Variants in EP300 observed in about 807,000 individuals in gnomAD.
The protein encoded by EP300 is histone acetyltransferase p300.
In EP300, 31 loss-of-function variants were observed where a neutral mutation model predicts 264.0. That is an observed-to-expected ratio of 0.12 (90% CI 0.09 to 0.16). The LOEUF (loss-of-function observed/expected upper bound fraction) is 0.16, where lower values mean the gene tolerates loss of function less well. Among genes scored for constraint, EP300 ranks in the 10% least tolerant of loss-of-function variants. The pLI, the probability that EP300 is intolerant of heterozygous loss-of-function variation, is 1.00. For missense variants in EP300, 2,766 were observed against 3,052.9 expected, an observed-to-expected ratio of 0.91 and a Z score of 2.21; for synonymous variants, 1,340 against 1,045.4, an observed-to-expected ratio of 1.28 and a Z score of -5.44.
chr22:41,163,592 T>C (rs535369054), intron 21 of EP300, among the ~76,000 whole-genome samples: 1 of 148,296 alleles, frequency 6.7e-6, no homozygotes, highest in Non-Finnish European at 1.5e-5. Flanking sequence ...ACTACAAATA[T>C]ATAAATTAGC....
intron 23 of EP300, among the ~76,000 whole-genome samples, chr22:41,167,449 C>G (rs1348727755): frequency 6.6e-6 from 1 of 151,418 alleles, no homozygotes; most frequent in Non-Finnish European, 1.5e-5. Context: ...TTTTACTGAT[C>G]TACAGATTAT....
At chr22:41,147,648 G>T (rs1201554810) in intron 11 of EP300, among the ~76,000 whole-genome samples, 189 bp from the exon 12 acceptor site, 1 of 152,010 alleles carries the variant, frequency 6.6e-6, no homozygotes, top group Admixed American at 6.6e-5. Context: ...TGAGGCAGGA[G>T]AATGGTGTGA....
intron 19 of EP300, 193 bp from the exon 20 acceptor site, chr22:41,160,446 AAAC>A (rs968777797): frequency 2.4e-5 from 13 of 549,668 alleles, no homozygotes; most frequent in African/African-American, 1.6e-4. Flanking sequence ...AAAAACAAAA[AAAC>A]AAACAAAAAA....
At chr22:41,163,639 CG>C (rs1569113695) in intron 21 of EP300, among the ~76,000 whole-genome samples, 1 of 143,886 alleles carries the variant, frequency 6.9e-6, no homozygotes, top group African/African-American at 2.6e-5. Flanking sequence ...CCCAGCTACT[CG>C]GGAGGCTGAG....
chr22:41,122,732 G>A (rs2058859794), intron 2 of EP300, among the ~76,000 whole-genome samples: 1 of 151,516 alleles, frequency 6.6e-6, no homozygotes, highest in Admixed American at 6.6e-5. Flanking sequence ...TCATAGATTT[G>A]CAGAGTATAG....
chr22:41,122,222 A>G (rs1025910181), intron 2 of EP300, among the ~76,000 whole-genome samples: 24 of 134,896 alleles, frequency 1.8e-4, no homozygotes, highest in African/African-American at 6.3e-4. Flanking sequence ...CAGGAGTGCA[A>G]TGGCCCAATC....
In EP300 at chr22:41,137,654, C is replaced by A. The variant is rs2145722617; in HGVS notation, c.1624C>A (p.Pro542Thr). Reference sequence around the variant, plus strand: ...CTATTTGGTGACCCCTTTTTGAAGCCCAATGATGAGTGAAAATGCCAGTGT... The same window carrying A: ...CTATTTGGTGACCCCTTTTTGAAGCACAATGATGAGTGAAAATGCCAGTGT... Reference protein sequence around the residue: ...MLHSAINSQNPMMSENASVPS... With the variant: ...MLHSAINSQNTMMSENASVPS... The change falls in exon 8 of 31, where the codon CCA (proline) becomes ACA (threonine). Residue 542 changes from proline to threonine, a missense_variant and splice_region_variant. Physicochemically the swap from Pro to Thr is conservative, Grantham distance 38. Transcript: ENST00000263253. The A allele has an allele frequency of 6.2e-7, 1 of 1,613,694 alleles. No homozygotes were observed. The highest frequency in any genetic ancestry group is 8.5e-7 in the Non-Finnish European group (1 of 1,179,862).
chr22:41,164,180 A>T, intron 22 of EP300, 50 bp downstream of exon 22: 2 of 1,527,060 alleles, frequency 1.3e-6, no homozygotes, highest in Non-Finnish European at 1.8e-6. Context: ...TATCGTGAAT[A>T]TTAACAAGTT....
At chr22:41,138,112 T>C (rs182212681) in intron 8 of EP300, among the ~76,000 whole-genome samples, 1 of 152,312 alleles carries the variant, frequency 6.6e-6, no homozygotes, top group Non-Finnish European at 1.5e-5. Flanking sequence ...AGGCCTCAGC[T>C]CATTAAAATA....
chr22:41,163,942 A>G, intron 21 of EP300, 111 bp from the exon 22 acceptor site: 1 of 980,000 alleles, frequency 1.0e-6, no homozygotes, highest in Admixed American at 1.7e-5. Flanking sequence ...AACTATTTTC[A>G]GTTCTTTGGT....
chr22:41,147,978 C>A, intron 12 of EP300, 32 bp downstream of exon 12: 1 of 1,451,638 alleles, frequency 6.9e-7, no homozygotes, highest in Non-Finnish European at 9.5e-7. Context: ...ATCTCTTTGG[C>A]CTTTACCTGG....
chr22:41,163,561 A>T (rs906892277), intron 21 of EP300, among the ~76,000 whole-genome samples: 4 of 151,986 alleles, frequency 2.6e-5, no homozygotes, highest in Non-Finnish European at 5.9e-5. Flanking sequence ...AGCCTGGCCA[A>T]CATGGCAAAA....
At chr22:41,140,058 T>A (rs983949309) in intron 8 of EP300, 82 bp from the exon 9 acceptor site, 5 of 942,450 alleles carry the variant, frequency 5.3e-6, no homozygotes, top group Non-Finnish European at 8.8e-6. Flanking sequence ...TCTTTTCCTC[T>A]ATGTGTTCAG....
At chr22:41,100,750 A>G (rs1473464688) in intron 1 of EP300, among the ~76,000 whole-genome samples, 3 of 152,150 alleles carry the variant, frequency 2.0e-5, no homozygotes, top group Non-Finnish European at 4.4e-5. Context: ...TGTCCCCTTT[A>G]TATCAGGGAC....
rs768757244 is a variant in EP300, at chr22:41,168,813, T to G, written c.4118T>G (p.Phe1373Cys). ...GAAATTGATGGTGTTGACCTGTGCT[T>G]CTTTGGCATGCATGTTCAAGAGTAT... The part of the protein sequence containing the change: ...FEEIDGVDLC[F>C]FGMHVQEYGS... The change falls in exon 25 of 31, where the codon TTC (phenylalanine) becomes TGC (cysteine). Residue 1373 changes from phenylalanine to cysteine, a missense_variant. Coordinates refer to ENST00000263253, the MANE Select transcript of EP300 (RefSeq NM_001429.4). 15 of 1,614,082 alleles carry G rather than the reference T, an allele frequency of 9.3e-6. No individual in the cohort carries two copies. Among genetic ancestry groups the G allele is most frequent in the Middle Eastern group, 1.6e-4 (1 of 6,084 alleles).
At chr22:41,128,897 G>T (rs185144254) in intron 4 of EP300, among the ~76,000 whole-genome samples, 1 of 152,118 alleles carries the variant, frequency 6.6e-6, no homozygotes, top group Non-Finnish European at 1.5e-5. Flanking sequence ...AACTCACTCG[G>T]TAAAGGTCGT....
intron 5 of EP300, 139 bp downstream of exon 5, chr22:41,130,142 T>C: frequency 1.5e-6 from 1 of 688,462 alleles, no homozygotes; most frequent in Non-Finnish European, 2.5e-6. Flanking sequence ...TTTTAATTTT[T>C]CTGCTTCCCT....
chr22:41,136,602 G>A (rs2058952412), intron 7 of EP300, among the ~76,000 whole-genome samples: 1 of 151,904 alleles, frequency 6.6e-6, no homozygotes, highest in Non-Finnish European at 1.5e-5. Flanking sequence ...TCGAGGCTCT[G>A]GTGAGCCGTG....
intron 17 of EP300, 39 bp downstream of exon 17, chr22:41,155,152 T>A (rs1446678915): frequency 1.5e-6 from 2 of 1,346,338 alleles, no homozygotes; most frequent in East Asian, 4.6e-5. Context: ...ATTTTTTAAT[T>A]TGATAACAGC....
Sources: gnomAD v4.1 joint callset for allele counts (sites outside exome capture counted in the v4.1 genomes callset) on GRCh38, gnomAD v4.1.1 for gene constraint, MANE v1.5 for transcripts, NCBI Gene and HGNC (gene_info 2026-07-23, HGNC 2026-07-21) for gene names.